ZNF280D: variants seen among roughly 807,000 people sequenced by gnomAD.
ZNF280D encodes the protein suppressor of hairy wing homolog 4.
In ZNF280D, 39 loss-of-function variants were observed where a neutral mutation model predicts 94.7. That is an observed-to-expected ratio of 0.41 (90% CI 0.32 to 0.54). ZNF280D has a LOEUF of 0.54. ZNF280D is among the 20% of genes least tolerant of loss of function. ZNF280D has a pLI of 0.22. For synonymous variants in ZNF280D, 398 were observed against 377.6 expected, an observed-to-expected ratio of 1.05 and a Z score of -0.63; for missense variants, 1,090 against 1,149.3, an observed-to-expected ratio of 0.95 and a Z score of 0.75.
intron 10 of ZNF280D, among the ~76,000 whole-genome samples, chr15:56,679,199 C>T (rs967701694): frequency 5.9e-5 from 9 of 152,022 alleles, no homozygotes; most frequent in South Asian, 2.1e-4. Flanking sequence ...ACTCTATATC[C>T]ATACTTGGAA....
intron 7 of ZNF280D, among the ~76,000 whole-genome samples, chr15:56,690,046 G>C (rs1311303600): frequency 6.6e-6 from 1 of 152,146 alleles, no homozygotes; most frequent in Non-Finnish European, 1.5e-5. Flanking sequence ...GCAGAAAGTG[G>C]AAATAACTAA....
chr15:56,702,604 G>A (rs1044911053), intron 4 of ZNF280D, among the ~76,000 whole-genome samples: 6 of 152,024 alleles, frequency 3.9e-5, no homozygotes, highest in African/African-American at 1.4e-4. Flanking sequence ...ATAAGAGTTT[G>A]AATTTTGCAA....
At chr15:56,646,502 A>C (rs1373770894) in intron 19 of ZNF280D, among the ~76,000 whole-genome samples, 1 of 152,182 alleles carries the variant, frequency 6.6e-6, no homozygotes, top group Non-Finnish European at 1.5e-5. Flanking sequence ...TCAGGGACTA[A>C]ATTTAATATA....
At chr15:56,653,335 GC>G in intron 19 of ZNF280D, 5 of 1,253,456 alleles carry the variant, frequency 4.0e-6, no homozygotes, top group Non-Finnish European at 5.0e-6. Flanking sequence ...ATAAGCCAAA[GC>G]CCCCAGTGGG....
At chr15:56,643,445 C>A (rs545568908) in intron 19 of ZNF280D, among the ~76,000 whole-genome samples, 1 of 151,548 alleles carries the variant, frequency 6.6e-6, no homozygotes, top group Non-Finnish European at 1.5e-5. Context: ...TGAAATTCAA[C>A]TAAATATAAC....
At chr15:56,644,160 C>T (rs1182064408) in intron 19 of ZNF280D, among the ~76,000 whole-genome samples, 1 of 151,956 alleles carries the variant, frequency 6.6e-6, no homozygotes, top group African/African-American at 2.4e-5. Context: ...ATTGGCAGTG[C>T]ACTACAATAA....
At chr15:56,719,886 T>TAAAAAAAA (rs35398429) in intron 1 of ZNF280D, among the ~76,000 whole-genome samples, 1 of 101,712 alleles carries the variant, frequency 9.8e-6, no homozygotes, top group African/African-American at 3.7e-5. Context: ...ACTTTATTGC[T>TAAAAAAAA]AAAAAAAAAA....
chr15:56,687,185 A>C (rs901149846), intron 9 of ZNF280D, among the ~76,000 whole-genome samples: 4 of 152,114 alleles, frequency 2.6e-5, no homozygotes, highest in Admixed American at 6.5e-5. Flanking sequence ...AAACACATAC[A>C]CTGTTCATAT....
intron 16 of ZNF280D, among the ~76,000 whole-genome samples, chr15:56,664,435 A>C (rs2054157203): frequency 6.6e-6 from 1 of 152,162 alleles, no homozygotes; most frequent in African/African-American, 2.4e-5. Context: ...AAGTTAACTG[A>C]ATATGGTCAT....
At chr15:56,731,055 A>G (rs2058857443) in intron 1 of ZNF280D, among the ~76,000 whole-genome samples, 1 of 152,250 alleles carries the variant, frequency 6.6e-6, no homozygotes, top group Non-Finnish European at 1.5e-5. Context: ...TCAAAAAAAT[A>G]TTAAACCTAA....
chr15:56,653,561 C>T, intron 19 of ZNF280D: 1 of 1,511,790 alleles, frequency 6.6e-7, no homozygotes, highest in Non-Finnish European at 8.8e-7. Context: ...TCCAGGTATA[C>T]CCTGGATATT....
Position 56,682,227 on chromosome 15 carries a change from T to C in ZNF280D, c.1004+27A>G, listed in dbSNP as rs371457517. ...TTATTTGCAGCATTTCAATTTTCAATAGAAATAAAAACAAGTATTTACATA... is the reference window on the plus strand; with the variant it reads ...TTATTTGCAGCATTTCAATTTTCAACAGAAATAAAAACAAGTATTTACATA... On this transcript the variant is annotated intron_variant, in intron 10 of 21. Coordinates refer to ENST00000267807, the MANE Select transcript of ZNF280D (RefSeq NM_017661.4). 943 of 1,445,154 alleles carry C rather than the reference T, an allele frequency of 6.5e-4. 11 individuals are homozygous for C. Among genetic ancestry groups the C allele is most frequent in the South Asian group, 6.2e-3 (487 of 78,200 alleles). The allele number at this position is 1,445,154 out of a possible 1,614,324, so 89.5% of individuals were successfully genotyped here.
At chr15:56,650,998 G>T (rs1321313383) in intron 19 of ZNF280D, among the ~76,000 whole-genome samples, 1 of 152,024 alleles carries the variant, frequency 6.6e-6, no homozygotes, top group Non-Finnish European at 1.5e-5. Flanking sequence ...CCATAGTATT[G>T]ATCATCATCT....
intron 1 of ZNF280D, among the ~76,000 whole-genome samples, chr15:56,731,483 G>A (rs1488789823): frequency 7.9e-6 from 1 of 126,890 alleles, no homozygotes; most frequent in Non-Finnish European, 1.6e-5. Flanking sequence ...CTCCATCCTG[G>A]GACACAGAGC....
intron 13 of ZNF280D, among the ~76,000 whole-genome samples, chr15:56,673,101 A>G (rs552557543): frequency 2.6e-5 from 4 of 152,160 alleles, no homozygotes; most frequent in African/African-American, 9.6e-5. Context: ...GTTCCCAGAA[A>G]TCTTTTCTCT....
intron 19 of ZNF280D, 97 bp downstream of exon 19, chr15:56,654,101 A>G (rs1163050611): frequency 1.3e-6 from 2 of 1,527,604 alleles, no homozygotes; most frequent in Non-Finnish European, 8.7e-7. Flanking sequence ...ACAACAACAT[A>G]CTTTAATACT....
intron 19 of ZNF280D, among the ~76,000 whole-genome samples, chr15:56,648,027 A>T (rs2052997162): frequency 6.6e-6 from 1 of 152,146 alleles, no homozygotes; most frequent in Non-Finnish European, 1.5e-5. Flanking sequence ...GAGGCCTAAA[A>T]ATGCTAAAGT....
intron 4 of ZNF280D, 45 bp downstream of exon 4, chr15:56,704,076 A>C: frequency 6.2e-7 from 1 of 1,606,242 alleles, no homozygotes; most frequent in South Asian, 1.1e-5. Flanking sequence ...TTCTACTAGA[A>C]ATAATACCTT....
chr15:56,727,705 T>C lies in ZNF280D; in HGVS notation c.-86+5753A>G, dbSNP rs537245385. Among the ~76,000 whole-genome samples, 12 of 152,280 alleles carry C rather than the reference T, an allele frequency of 7.9e-5. 1 individual carries two copies. The South Asian group carries it at 2.3e-3, about 29-fold the overall frequency. On this transcript the variant is annotated intron_variant, in intron 1 of 21. Coordinates refer to ENST00000267807, the MANE Select transcript of ZNF280D (RefSeq NM_017661.4). Reference sequence around the variant, plus strand: ...AGAAGAAAATTAACAGAGGAAGGCATTTCACAACTATTAGACGAACCAGAA... The same window carrying C: ...AGAAGAAAATTAACAGAGGAAGGCACTTCACAACTATTAGACGAACCAGAA...
Sources: gnomAD v4.1 joint callset for allele counts (sites outside exome capture counted in the v4.1 genomes callset) on GRCh38, gnomAD v4.1.1 for gene constraint, MANE v1.5 for transcripts, NCBI Gene and HGNC (gene_info 2026-07-23, HGNC 2026-07-21) for gene names.